KANK1: variants seen among roughly 807,000 people sequenced by gnomAD.
KANK1 encodes the protein KN motif and ankyrin repeat domains 1.
A neutral mutation model predicts 106.2 loss-of-function variants in KANK1; 109 were observed. That is an observed-to-expected ratio of 1.03 (90% CI 0.88 to 1.20). The LOEUF (loss-of-function observed/expected upper bound fraction) is 1.20. Among genes scored for constraint, KANK1 ranks in the 50% most tolerant of loss-of-function variants. The pLI, the probability that KANK1 is intolerant of heterozygous loss-of-function variation, is 0.00. For synonymous variants in KANK1, 873 were observed against 652.2 expected (o/e 1.34, Z -5.16); for missense variants, 2,399 against 1,710.7 (o/e 1.40, Z -7.10).
chr9:503,380 A>C (rs2058603392), upstream of KANK1, among the ~76,000 whole-genome samples: 1 of 152,208 alleles, frequency 6.6e-6, no homozygotes, highest in African/African-American at 2.4e-5. Context: ...GCTGAGATTC[A>C]AAATGAGCTT....
In KANK1 at chr9:507,682, G is replaced by A. The variant is rs59656343; in HGVS notation, c.-84+2928G>A. On this transcript the variant is annotated intron_variant, in intron 1 of 11. Coordinates refer to ENST00000382297, the MANE Select transcript of KANK1 (RefSeq NM_015158.5). ...AGCGATTCTCGTGCCTCAGCCTCCC[G>A]AGTAGCTGGGACTACAGGCACCGTG... 7.2e-3 allele frequency among the ~76,000 whole-genome samples: 1,091 copies of A among 150,942 alleles called. 14 individuals carry two copies. Among genetic ancestry groups the A allele is most frequent in the African/African-American group, 0.025 (1,042 of 41,058 alleles).
At position 703,858 on chromosome 9, in the gene KANK1, C is replaced by T. The variant is rs145272496; in HGVS notation, c.38-6946C>T. On this transcript the variant is annotated intron_variant, in intron 2 of 11. Transcript: ENST00000382297. ...TCCTGAATAGCTGGGATTACAGGTG[C>T]ACACCACCATGCCCAGCTAAATTTT... Among the ~76,000 whole-genome samples the T allele has an allele frequency of 6.9e-3, 1,056 of 152,112 alleles. 12 individuals are homozygous for T. The highest frequency in any genetic ancestry group is 0.024 in the African/African-American group (1,003 of 41,488).
intron 1 of KANK1, among the ~76,000 whole-genome samples, chr9:633,959 A>T (rs766817639): frequency 6.6e-4 from 101 of 152,308 alleles, no homozygotes; most frequent in Non-Finnish European, 3.4e-4. Flanking sequence ...CCATAAATAG[A>T]TGCAAGTCAA....
At chr9:488,686 A>C (rs989675024) in intron 3 of KANK1, among the ~76,000 whole-genome samples, 1 of 152,220 alleles carries the variant, frequency 6.6e-6, no homozygotes, top group Non-Finnish European at 1.5e-5. Flanking sequence ...ACTGTCTTGT[A>C]AGAGTCAAGT....
At chr9:656,176 G>T (rs775328816) in intron 1 of KANK1, among the ~76,000 whole-genome samples, 2 of 152,194 alleles carry the variant, frequency 1.3e-5, no homozygotes, top group Non-Finnish European at 2.9e-5. Context: ...TGGGTTAGGG[G>T]TGAAGCCTTT....
At chr9:551,224 T>C (rs1334847257) in intron 1 of KANK1, among the ~76,000 whole-genome samples, 1 of 151,130 alleles carries the variant, frequency 6.6e-6, no homozygotes, top group African/African-American at 2.4e-5. Flanking sequence ...AGATGAAGAA[T>C]AAGGGCAAGC....
chr9:491,403 G>A (rs2058375941), intron 3 of KANK1, among the ~76,000 whole-genome samples: 1 of 151,946 alleles, frequency 6.6e-6, no homozygotes, highest in South Asian at 2.1e-4. Context: ...GAGTAGCTGG[G>A]ACTACAGGTG....
chr9:639,752 C>T (rs1588482703), intron 1 of KANK1, among the ~76,000 whole-genome samples: 1 of 152,268 alleles, frequency 6.6e-6, no homozygotes, highest in East Asian at 1.9e-4. Flanking sequence ...TTATAAGCAG[C>T]ATAAATTTAT....
intron 3 of KANK1, among the ~76,000 whole-genome samples, chr9:721,650 A>G (rs1829375978): frequency 1.3e-5 from 2 of 152,148 alleles, no homozygotes; most frequent in African/African-American, 2.4e-5. Context: ...TCTGCTGATA[A>G]CTCAATAATT....
chr9:519,225 C>CT (rs973688133), intron 1 of KANK1, among the ~76,000 whole-genome samples: 2 of 151,812 alleles, frequency 1.3e-5, no homozygotes, highest in Admixed American at 6.5e-5. Context: ...ATAATTGTGT[C>CT]TTTTCCCCCA....
At chr9:581,876 G>C (rs1051090773) in intron 1 of KANK1, among the ~76,000 whole-genome samples, 2 of 152,040 alleles carry the variant, frequency 1.3e-5, no homozygotes, top group Non-Finnish European at 2.9e-5. Context: ...CACACCTCAG[G>C]GTGCAGCCAG....
intron 1 of KANK1, among the ~76,000 whole-genome samples, chr9:551,820 G>A (rs1444736785): frequency 6.6e-6 from 1 of 152,018 alleles, no homozygotes; most frequent in African/African-American, 2.4e-5. Context: ...GGCCAAGGCA[G>A]GAGGATTGCT....
chr9:647,378 A>G (rs1839908073), intron 1 of KANK1, among the ~76,000 whole-genome samples: 1 of 150,860 alleles, frequency 6.6e-6, no homozygotes, highest in Admixed American at 6.6e-5. Context: ...TAGTTTTATT[A>G]TATTTATGAC....
chr9:641,073 C>T (rs16921551), intron 1 of KANK1, among the ~76,000 whole-genome samples: 7,405 of 152,178 alleles, frequency 0.049, 500 homozygotes, highest in East Asian at 0.23. Flanking sequence ...TAAATAGATG[C>T]TGCCAAGAGC....
At chr9:557,793 G>A (rs1587793265) in intron 1 of KANK1, among the ~76,000 whole-genome samples, 1 of 152,294 alleles carries the variant, frequency 6.6e-6, no homozygotes. Flanking sequence ...ACTTTGGGAG[G>A]CTGAGGTGGG....
At chr9:476,757 A>ATATT (rs1343812691) in intron 3 of KANK1, 1 of 152,180 alleles carries the variant, frequency 6.6e-6, no homozygotes, top group Admixed American at 6.5e-5. Context: ...TTAATAAATA[A>ATATT]TATTGGTTGC....
At chr9:631,129 C>A (rs183574911) in intron 1 of KANK1, among the ~76,000 whole-genome samples, 1 of 152,038 alleles carries the variant, frequency 6.6e-6, no homozygotes, top group Non-Finnish European at 1.5e-5. Flanking sequence ...AGCGTTAATA[C>A]GTTTTGCATT....
At chr9:667,695 A>G (rs1187871487) in intron 1 of KANK1, among the ~76,000 whole-genome samples, 1 of 148,702 alleles carries the variant, frequency 6.7e-6, no homozygotes, top group South Asian at 2.1e-4. Flanking sequence ...ATTCAGGAGC[A>G]TGTTGTTTAA....
At chr9:482,377 G>T (rs562482744) in intron 3 of KANK1, among the ~76,000 whole-genome samples, 1 of 152,156 alleles carries the variant, frequency 6.6e-6, no homozygotes, top group Non-Finnish European at 1.5e-5. Flanking sequence ...CTTTGTTGGG[G>T]TACTAAGTGC....
Sources: gnomAD v4.1 joint callset for allele counts (sites outside exome capture counted in the v4.1 genomes callset) on GRCh38, gnomAD v4.1.1 for gene constraint, MANE v1.5 for transcripts, NCBI Gene and HGNC (gene_info 2026-07-23, HGNC 2026-07-21) for gene names.